OPCML: variants seen among roughly 807,000 people sequenced by gnomAD.
The protein encoded by OPCML is opioid binding protein/cell adhesion molecule like, also known as opioid-binding protein/cell adhesion molecule.
OPCML carries 13 observed loss-of-function variants against 37.8 expected under a neutral mutation model. The ratio of observed to expected loss-of-function variants is 0.34; its 90% CI spans 0.22 to 0.55. The LOEUF is 0.55. OPCML is among the 20% of genes least tolerant of loss of function. The pLI is 0.91. For synonymous variants in OPCML, 176 were observed against 168.8 expected, an observed-to-expected ratio of 1.04 and a Z score of -0.33; for missense variants, 341 against 435.6, an observed-to-expected ratio of 0.78 and a Z score of 1.93.
intron 1 of OPCML, among the ~76,000 whole-genome samples, chr11:133,507,659 C>G (rs1948063180): frequency 6.6e-6 from 1 of 152,104 alleles, no homozygotes; most frequent in Non-Finnish European, 1.5e-5. Context: ...TCCTTAAAAT[C>G]TCAGGCTGGG....
At chr11:132,551,474 C>T (rs189831388) in intron 3 of OPCML, among the ~76,000 whole-genome samples, 136 of 152,260 alleles carry the variant, frequency 8.9e-4, no homozygotes, top group Admixed American at 7.2e-3. Context: ...GTAGTACTAA[C>T]AAATTAGCCA....
At chr11:132,568,314 C>G (rs1350404462) in intron 3 of OPCML, among the ~76,000 whole-genome samples, 1 of 152,116 alleles carries the variant, frequency 6.6e-6, no homozygotes, top group African/African-American at 2.4e-5. Flanking sequence ...ACCTATATTT[C>G]CACTGTTTAT....
intron 1 of OPCML, among the ~76,000 whole-genome samples, chr11:133,144,476 G>C (rs1051818203): frequency 2.6e-5 from 4 of 152,240 alleles, no homozygotes; most frequent in African/African-American, 4.8e-5. Context: ...ATGGCAAGGA[G>C]GGATGGACTC....
intron 2 of OPCML, among the ~76,000 whole-genome samples, chr11:132,784,076 T>A (rs2136159781): frequency 6.6e-6 from 1 of 152,238 alleles, no homozygotes; most frequent in African/African-American, 2.4e-5. Context: ...ATAGACTGTA[T>A]ATAAAAATAA....
intron 3 of OPCML, among the ~76,000 whole-genome samples, chr11:132,561,974 T>C (rs2096411662): frequency 6.6e-6 from 1 of 152,196 alleles, no homozygotes; most frequent in African/African-American, 2.4e-5. Flanking sequence ...AAAAGAGCCA[T>C]ACTTGTATTA....
intron 1 of OPCML, among the ~76,000 whole-genome samples, chr11:133,379,928 C>T (rs1393695203): frequency 6.6e-6 from 1 of 152,210 alleles, no homozygotes; most frequent in African/African-American, 2.4e-5. Flanking sequence ...GATCAGCCTC[C>T]ACTTAAAACC....
chr11:132,641,078 G>A (rs1940825765), intron 3 of OPCML, among the ~76,000 whole-genome samples: 1 of 152,152 alleles, frequency 6.6e-6, no homozygotes, highest in Non-Finnish European at 1.5e-5. Flanking sequence ...GCCTACACCT[G>A]CAACTCTAGG....
At chr11:133,146,823 G>A (rs1219702592) in intron 1 of OPCML, among the ~76,000 whole-genome samples, 1 of 152,212 alleles carries the variant, frequency 6.6e-6, no homozygotes, top group Non-Finnish European at 1.5e-5. Flanking sequence ...CACAGGCCCA[G>A]TAACATGACA....
chr11:133,469,146 A>G (rs1947044103), intron 1 of OPCML, among the ~76,000 whole-genome samples: 1 of 152,196 alleles, frequency 6.6e-6, no homozygotes, highest in South Asian at 2.1e-4. Flanking sequence ...AAATACTTGT[A>G]TCTTTATACT....
At chr11:132,745,037 A>G (rs1440168286) in intron 2 of OPCML, among the ~76,000 whole-genome samples, 1 of 152,206 alleles carries the variant, frequency 6.6e-6, no homozygotes, top group Non-Finnish European at 1.5e-5. Flanking sequence ...GTCTTTCGGC[A>G]GGCTCACTGC....
chr11:132,912,535 G>A lies in OPCML; in HGVS notation c.146+30391C>T, dbSNP rs543357506. 1.5e-3 allele frequency among the ~76,000 whole-genome samples: 224 copies of A among 152,036 alleles called. 1 individual carries two copies. The highest frequency in any genetic ancestry group is 5.0e-3 in the African/African-American group (209 of 41,470). On this transcript the variant is annotated intron_variant, in intron 2 of 7. Transcript: ENST00000524381. ...CATGCAACTAGTTAAATAAACATTTGGAAACCTGCAATCTATATACTTACA... is the reference window on the plus strand; with the variant it reads ...CATGCAACTAGTTAAATAAACATTTAGAAACCTGCAATCTATATACTTACA...
chr11:132,956,799 G>A (rs1414660873), intron 1 of OPCML, among the ~76,000 whole-genome samples: 1 of 152,082 alleles, frequency 6.6e-6, no homozygotes, highest in Non-Finnish European at 1.5e-5. Flanking sequence ...TCCTGTCTTG[G>A]CTGGATGGAA....
chr11:133,383,325 T>C (rs1299606846), intron 1 of OPCML, among the ~76,000 whole-genome samples: 1 of 152,126 alleles, frequency 6.6e-6, no homozygotes, highest in Non-Finnish European at 1.5e-5. Flanking sequence ...TGCCGTATGG[T>C]GCTCTTTCTA....
intron 2 of OPCML, among the ~76,000 whole-genome samples, chr11:132,714,532 C>T (rs368431234): frequency 8.5e-5 from 13 of 152,186 alleles, no homozygotes; most frequent in African/African-American, 2.4e-4. Flanking sequence ...GCACGCAATG[C>T]CGCATCAGAA....
rs146159972 is a variant in OPCML at position 133,049,834 on chromosome 11, T to G, written c.62-106824A>C. Among the ~76,000 whole-genome samples the G allele has an allele frequency of 3.7e-3, 569 of 152,294 alleles. 2 individuals are homozygous for G. Among genetic ancestry groups the G allele is most frequent in the Non-Finnish European group, 5.6e-3 (381 of 68,028 alleles). On this transcript the variant is annotated intron_variant, in intron 1 of 7. Coordinates refer to ENST00000524381, the MANE Select transcript of OPCML (RefSeq NM_001012393.5). Reference sequence around the variant, plus strand: ...CCCCCAGAATCCACATTCTAGTGTATTTCCAGTTAGCTGGGCTGCCGGGGA... The same window carrying G: ...CCCCCAGAATCCACATTCTAGTGTAGTTCCAGTTAGCTGGGCTGCCGGGGA...
intron 1 of OPCML, among the ~76,000 whole-genome samples, chr11:133,335,195 A>G (rs984593913): frequency 2.0e-5 from 3 of 152,182 alleles, no homozygotes; most frequent in African/African-American, 4.8e-5. Flanking sequence ...CCTTACAACC[A>G]TCTTTCATGA....
intron 1 of OPCML, among the ~76,000 whole-genome samples, chr11:133,073,182 C>G (rs578046516): frequency 6.6e-6 from 1 of 152,190 alleles, no homozygotes; most frequent in Non-Finnish European, 1.5e-5. Flanking sequence ...GGGTTCTTAA[C>G]GATCTCAGAC....
Position 133,458,516 on chromosome 11 carries a change from ATATACACT to A in OPCML, c.61+73740_61+73747del, listed in dbSNP as rs1189295388. Among the ~76,000 whole-genome samples, 46 of 120,220 alleles carry A rather than the reference ATATACACT, an allele frequency of 3.8e-4. 10 individuals are homozygous for A. The highest frequency in any genetic ancestry group is 1.2e-3 in the African/African-American group (20 of 16,272). 78.9% of individuals were successfully genotyped at this position (120,220 alleles called of 152,430 possible). A position where few individuals can be genotyped will look rare whatever the true frequency, so the allele number is the denominator to read the frequency against. ...TACACGTGTGTGTGTATATACACATATATACACTGTGTGTGTATACACATATATACACG... is the reference window on the plus strand; with the variant it reads ...TACACGTGTGTGTGTATATACACATAGTGTGTGTATACACATATATACACG... On this transcript the variant is annotated intron_variant, in intron 1 of 7. Coordinates refer to ENST00000524381, the MANE Select transcript of OPCML (RefSeq NM_001012393.5).
intron 3 of OPCML, among the ~76,000 whole-genome samples, chr11:132,566,239 T>G (rs2096422765): frequency 6.6e-6 from 1 of 152,208 alleles, no homozygotes; most frequent in South Asian, 2.1e-4. Context: ...TTATGAAATC[T>G]TTGGTCCCAA....
Sources: allele counts gnomAD v4.1 joint callset (sites outside exome capture counted in the v4.1 genomes callset), GRCh38; gene constraint gnomAD v4.1.1; transcripts MANE v1.5; gene names NCBI Gene and HGNC (gene_info 2026-07-23, HGNC 2026-07-21).